The following KDM5A variants were observed in gnomAD, a reference collection of about 807,000 sequenced individuals.
The protein encoded by KDM5A is lysine-specific demethylase 5A.
In KDM5A, 42 loss-of-function variants were observed where a neutral mutation model predicts 193.5. The observed-to-expected ratio is 0.22, with a 90% confidence interval of 0.17 to 0.28. The LOEUF is 0.28. Among genes scored for constraint, KDM5A ranks in the 10% least tolerant of loss-of-function variants. The pLI is 1.00. For missense variants in KDM5A, 1,692 were observed against 2,055.1 expected (o/e 0.82, Z 3.42); for synonymous variants, 796 against 718.1 (o/e 1.11, Z -1.73).
At chr12:289,137 T>C (rs753732399) in intron 27 of KDM5A, among the ~76,000 whole-genome samples, 2 of 151,864 alleles carry the variant, frequency 1.3e-5, no homozygotes, top group Non-Finnish European at 2.9e-5. Flanking sequence ...GAAGTAGGAA[T>C]GGGTAAAGGA....
At chr12:342,926 G>A (rs1030837159) in intron 10 of KDM5A, among the ~76,000 whole-genome samples, 7 of 152,270 alleles carry the variant, frequency 4.6e-5, no homozygotes, top group Non-Finnish European at 1.0e-4. Context: ...GGGACTGCTT[G>A]GACAGTGGGT....
In KDM5A at chr12:388,843, A is replaced by G; in HGVS notation, c.165+84T>C. ...AAAGAGAGTACATATGAAACGAGAC[A>G]AGGATCAGAAAAGTAAAGCTAAACC... On this transcript the variant is annotated intron_variant, in intron 1 of 27. Transcript: ENST00000399788. 2.1e-6 allele frequency: 3 copies of G among 1,460,798 alleles called. No homozygotes were observed. In the South Asian group the frequency reaches 3.4e-5, roughly 17 times the overall value. 90.5% of individuals were successfully genotyped at this position (1,460,798 alleles called of 1,614,324 possible).
At chr12:298,103 C>T (rs896198042) in intron 24 of KDM5A, among the ~76,000 whole-genome samples, 3 of 152,204 alleles carry the variant, frequency 2.0e-5, no homozygotes, top group Non-Finnish European at 4.4e-5. Flanking sequence ...GGGGAAGGGG[C>T]GGCTGTGGGC....
At chr12:353,999 A>G (rs1309964444) in intron 8 of KDM5A, 77 bp downstream of exon 8, 1 of 1,057,664 alleles carries the variant, frequency 9.5e-7, no homozygotes, top group Non-Finnish European at 1.5e-6. Flanking sequence ...ATATTTGGGA[A>G]TATGTTTATA....
Position 307,177 on chromosome 12 carries a change from T to A in KDM5A, c.3931-88A>T. ...TGTGCTTAAGATCACCAAAATGTAA[T>A]GAATAAGCAAAGTGGCTAACAGAGT... is the stretch of plus-strand genomic sequence containing the variant. On this transcript the variant is annotated intron_variant, in intron 23 of 27. Coordinates refer to ENST00000399788, the MANE Select transcript of KDM5A (RefSeq NM_001042603.3). The surrounding 1 kb of genome is among the most constrained non-coding windows in gnomAD (Gnocchi z 4.3). 1 of 1,486,842 alleles carries A rather than the reference T, an allele frequency of 6.7e-7. No homozygotes were observed. Among genetic ancestry groups the A allele is most frequent in the Non-Finnish European group, 9.3e-7 (1 of 1,070,286 alleles). The allele number at this position is 1,486,842 out of a possible 1,614,324, so 92.1% of individuals were successfully genotyped here.
intron 4 of KDM5A, among the ~76,000 whole-genome samples, 196 bp downstream of exon 4, chr12:365,738 A>G (rs140099172): frequency 1.1e-3 from 171 of 152,252 alleles, no homozygotes; most frequent in Non-Finnish European, 2.0e-3. Flanking sequence ...TATTTTAAAT[A>G]AATAAGAAAA....
Position 308,563 on chromosome 12 carries a change from G to C in KDM5A, c.3379-558C>G, listed in dbSNP as rs534634149. 1.2e-4 allele frequency among the ~76,000 whole-genome samples: 19 copies of C among 152,230 alleles called. No homozygotes were observed. In the South Asian group the frequency reaches 3.9e-3, roughly 32 times the overall value. On this transcript the variant is annotated intron_variant, in intron 22 of 27. Coordinates refer to ENST00000399788, the MANE Select transcript of KDM5A (RefSeq NM_001042603.3). ...TATAAGTAGAATAACAAAACTTGAC[G>C]ATCAGTTGTAACAACAGAGTTTTAT...
intron 3 of KDM5A, among the ~76,000 whole-genome samples, chr12:380,020 C>T (rs887466248): frequency 6.6e-6 from 1 of 151,624 alleles, no homozygotes; most frequent in African/African-American, 2.4e-5. Context: ...TGTAATCCCA[C>T]CATTTTGGGA....
intron 10 of KDM5A, among the ~76,000 whole-genome samples, chr12:348,961 G>GA (rs144513171): frequency 0.029 from 4,251 of 144,980 alleles, 75 homozygotes; most frequent in Middle Eastern, 0.046. Context: ...GTTATAGGGG[G>GA]AAAAAACACG....
At chr12:301,054 A>G (rs552146433) in intron 24 of KDM5A, among the ~76,000 whole-genome samples, 1 of 152,314 alleles carries the variant, frequency 6.6e-6, no homozygotes, top group Non-Finnish European at 1.5e-5. Flanking sequence ...CCAACCAAAA[A>G]AAGTCCAGGA....
chr12:327,298 G>A (rs1466540681), intron 14 of KDM5A, among the ~76,000 whole-genome samples: 6 of 152,106 alleles, frequency 3.9e-5, no homozygotes, highest in Non-Finnish European at 5.9e-5. Flanking sequence ...GCACAAAATC[G>A]TATTTCATGA....
In KDM5A at chr12:285,569, T is replaced by C; in HGVS notation, c.4960A>G (p.Ile1654Val). The stretch of plus-strand genomic sequence containing the variant: ...TGCTTCTTTGCACAGTTTATACAGA[T>C]GTAATCTTCATTTTCAGCCATTTCT... ...SPEMAENEDY[I>V]CINCAKKQGP... Residue 1654 changes from isoleucine (I) to valine (V), a missense_variant, in exon 28 of 28, where the codon ATC becomes GTC. Coordinates refer to ENST00000399788, the MANE Select transcript of KDM5A (RefSeq NM_001042603.3). The C allele has an allele frequency of 6.2e-7, 1 of 1,614,042 alleles. No individual in the cohort carries two copies. Among genetic ancestry groups the C allele is most frequent in the Non-Finnish European group, 8.5e-7 (1 of 1,179,956 alleles).
chr12:310,550 C>T (rs966125837), intron 21 of KDM5A, among the ~76,000 whole-genome samples: 1 of 152,152 alleles, frequency 6.6e-6, no homozygotes, highest in African/African-American at 2.4e-5. Flanking sequence ...GAAAGGATCA[C>T]TTGAGCCCAG....
At chr12:294,035 G>T (rs1327573978) in intron 26 of KDM5A, among the ~76,000 whole-genome samples, 1 of 151,998 alleles carries the variant, frequency 6.6e-6, no homozygotes, top group Non-Finnish European at 1.5e-5. Flanking sequence ...ACTAAATTAT[G>T]TTAATAACTT....
At chr12:302,204 C>T (rs962980270) in intron 24 of KDM5A, among the ~76,000 whole-genome samples, 2 of 152,112 alleles carry the variant, frequency 1.3e-5, no homozygotes, top group African/African-American at 2.4e-5. Flanking sequence ...AAAAAGAGCC[C>T]GCATTGCCAA....
At chr12:359,649 G>A (rs1347848583) in intron 5 of KDM5A, among the ~76,000 whole-genome samples, 1 of 151,642 alleles carries the variant, frequency 6.6e-6, no homozygotes, top group Admixed American at 6.6e-5. Flanking sequence ...GGCTGAGGTG[G>A]GAGGATGGCT....
At chr12:296,949 A>C (rs1183948055) in intron 25 of KDM5A, 92 bp downstream of exon 25, 6 of 1,326,472 alleles carry the variant, frequency 4.5e-6, no homozygotes, top group African/African-American at 1.4e-5. Flanking sequence ...ATTGTACTCC[A>C]CTCGAAATGG....
Position 303,144 on chromosome 12 carries a change from C to G in KDM5A, c.4074+3802G>C, listed in dbSNP as rs141878928. Among the ~76,000 whole-genome samples the G allele has an allele frequency of 5.9e-4, 90 of 152,318 alleles. 1 individual carries two copies. The East Asian group carries it at 0.014, about 25-fold the overall frequency. The stretch of plus-strand genomic sequence containing the variant: ...ATCTAGAACTAGAATTACCATTTGA[C>G]CCAGCAATCCCATTACTGGGTATAT... On this transcript the variant is annotated intron_variant, in intron 24 of 27. Coordinates refer to ENST00000399788, the MANE Select transcript of KDM5A (RefSeq NM_001042603.3).
At chr12:336,161 C>T (rs372799623) in intron 10 of KDM5A, among the ~76,000 whole-genome samples, 1 of 151,210 alleles carries the variant, frequency 6.6e-6, no homozygotes, top group Admixed American at 6.6e-5. Context: ...GAATTTGAGA[C>T]CAGCCTGGTC....
Sources: gnomAD v4.1 joint callset for allele counts (sites outside exome capture counted in the v4.1 genomes callset) on GRCh38, gnomAD v4.1.1 for gene constraint, Gnocchi (gnomAD v3.1) non-coding constraint, MANE v1.5 for transcripts, NCBI Gene and HGNC (gene_info 2026-07-23, HGNC 2026-07-21) for gene names.